GPR158: variants seen among roughly 807,000 people sequenced by gnomAD.
GPR158 encodes metabotropic glycine receptor.
GPR158 carries 30 observed loss-of-function variants against 78.2 expected under a neutral mutation model. That is an observed-to-expected ratio of 0.38 (90% CI 0.29 to 0.52). The LOEUF is 0.52. Ranked by LOEUF, GPR158 falls within the 20% of genes least tolerant of loss-of-function variation. GPR158 has a pLI of 0.83. For synonymous variants in GPR158, 581 were observed against 591.1 expected (o/e 0.98, Z 0.25); for missense variants, 1,463 against 1,523.5 (o/e 0.96, Z 0.66).
At chr10:25,435,964 TATTG>T (rs1834992175) in intron 4 of GPR158, among the ~76,000 whole-genome samples, 1 of 152,034 alleles carries the variant, frequency 6.6e-6, no homozygotes, top group Non-Finnish European at 1.5e-5. Flanking sequence ...TAGAAATCCA[TATTG>T]ATTCCTGAAG....
At chr10:25,213,337 T>C (rs1407080359) in intron 1 of GPR158, among the ~76,000 whole-genome samples, 1 of 152,236 alleles carries the variant, frequency 6.6e-6, no homozygotes, top group Non-Finnish European at 1.5e-5. Flanking sequence ...TAGTTTGCCA[T>C]TAAAAATAAT....
intron 1 of GPR158, among the ~76,000 whole-genome samples, chr10:25,215,449 A>G (rs1033269933): frequency 6.6e-6 from 1 of 152,236 alleles, no homozygotes; most frequent in Non-Finnish European, 1.5e-5. Context: ...GATTGGTTGC[A>G]CAATAATATG....
chr10:25,488,113 TAGTCCA>T (rs1434229670), intron 5 of GPR158, among the ~76,000 whole-genome samples: 1 of 152,164 alleles, frequency 6.6e-6, no homozygotes, highest in Non-Finnish European at 1.5e-5. Flanking sequence ...TGGAAGTGGA[TAGTCCA>T]AAGCTAATGG....
At chr10:25,593,905 A>G (rs1354433321) in intron 8 of GPR158, among the ~76,000 whole-genome samples, 1 of 152,068 alleles carries the variant, frequency 6.6e-6, no homozygotes, top group Non-Finnish European at 1.5e-5. Context: ...GATGCTTTGT[A>G]GGCAAATTAT....
chr10:25,258,468 T>C (rs546947809), intron 2 of GPR158, among the ~76,000 whole-genome samples: 1 of 152,308 alleles, frequency 6.6e-6, no homozygotes, highest in South Asian at 2.1e-4. Context: ...AACCTTTTCC[T>C]TTACAATTGT....
At chr10:25,313,774 T>G (rs1854804205) in intron 2 of GPR158, among the ~76,000 whole-genome samples, 1 of 152,186 alleles carries the variant, frequency 6.6e-6, no homozygotes, top group African/African-American at 2.4e-5. Flanking sequence ...TATTGATAAA[T>G]TATATTGATT....
At chr10:25,510,003 C>G (rs1212341106) in intron 5 of GPR158, among the ~76,000 whole-genome samples, 4 of 152,280 alleles carry the variant, frequency 2.6e-5, no homozygotes, top group African/African-American at 9.6e-5. Context: ...CATGAGCCAC[C>G]GTGCCCAGCC....
At chr10:25,504,909 G>T (rs1381288515) in intron 5 of GPR158, among the ~76,000 whole-genome samples, 1 of 152,176 alleles carries the variant, frequency 6.6e-6, no homozygotes, top group East Asian at 1.9e-4. Flanking sequence ...TTGCAGTTCA[G>T]TGCGGAGTTG....
At chr10:25,292,382 T>C (rs1487224432) in intron 2 of GPR158, among the ~76,000 whole-genome samples, 1 of 152,162 alleles carries the variant, frequency 6.6e-6, no homozygotes, top group Non-Finnish European at 1.5e-5. Context: ...CCTTTTCTCT[T>C]AAAAATAACC....
chr10:25,241,911 C>A (rs1047062713), intron 2 of GPR158, among the ~76,000 whole-genome samples: 2 of 152,184 alleles, frequency 1.3e-5, no homozygotes, highest in South Asian at 4.1e-4. Context: ...TTAGTTGAGA[C>A]ACTCCAATGG....
chr10:25,189,649 G>A (rs546258571), intron 1 of GPR158, among the ~76,000 whole-genome samples: 96 of 152,136 alleles, frequency 6.3e-4, no homozygotes, highest in Non-Finnish European at 1.2e-3. Context: ...GGTTGGGGGA[G>A]GAGGGAGGGA....
chr10:25,398,726 A>T (rs555884381), intron 3 of GPR158, among the ~76,000 whole-genome samples: 1 of 152,328 alleles, frequency 6.6e-6, no homozygotes, highest in South Asian at 2.1e-4. Flanking sequence ...CTCCCATGTT[A>T]TACCCATTGC....
At chr10:25,263,376 A>G (rs1298427003) in intron 2 of GPR158, among the ~76,000 whole-genome samples, 1 of 152,118 alleles carries the variant, frequency 6.6e-6, no homozygotes, top group African/African-American at 2.4e-5. Context: ...ACATTTATAT[A>G]TGTCTGTTCT....
At chr10:25,557,967 C>T (rs1836806955) in intron 6 of GPR158, among the ~76,000 whole-genome samples, 1 of 152,212 alleles carries the variant, frequency 6.6e-6, no homozygotes, top group Non-Finnish European at 1.5e-5. Context: ...GTCCTACTTG[C>T]TTTGTTGTAT....
chr10:25,402,139 G>A (rs1432751926), intron 3 of GPR158, among the ~76,000 whole-genome samples: 1 of 152,054 alleles, frequency 6.6e-6, no homozygotes, highest in Non-Finnish European at 1.5e-5. Context: ...GTTACACTGA[G>A]GACACAGCAT....
intron 2 of GPR158, among the ~76,000 whole-genome samples, chr10:25,322,322 A>G (rs2130479953): frequency 6.6e-6 from 1 of 152,046 alleles, no homozygotes; most frequent in South Asian, 2.1e-4. Context: ...CGGAGCTTGC[A>G]GTGAGCCGAG....
chr10:25,539,758 T>A (rs953180238), intron 5 of GPR158, among the ~76,000 whole-genome samples: 1 of 152,142 alleles, frequency 6.6e-6, no homozygotes, highest in Non-Finnish European at 1.5e-5. Flanking sequence ...TAATCACAAT[T>A]ATAGCCATTC....
intron 2 of GPR158, among the ~76,000 whole-genome samples, chr10:25,235,145 C>A (rs554855589): frequency 6.6e-6 from 1 of 152,228 alleles, no homozygotes; most frequent in African/African-American, 2.4e-5. Flanking sequence ...GAAATGAAAT[C>A]CTACATCTTT....
Position 25,471,668 on chromosome 10 carries a change from A to G in GPR158, c.1404+4949A>G, listed in dbSNP as rs571371125. 1.1e-4 allele frequency among the ~76,000 whole-genome samples: 17 copies of G among 152,154 alleles called. No homozygotes were observed. In the East Asian group the frequency reaches 3.3e-3, roughly 29 times the overall value. On this transcript the variant is annotated intron_variant, in intron 5 of 10. Transcript: ENST00000376351. ...TGATCACCATTCTAACTGGTGTGAG[A>G]TGGTATCTCATTGTGGTTTTGATTT...
Sources: gnomAD v4.1 joint callset for allele counts (sites outside exome capture counted in the v4.1 genomes callset) on GRCh38, gnomAD v4.1.1 for gene constraint, MANE v1.5 for transcripts, NCBI Gene and HGNC (gene_info 2026-07-23, HGNC 2026-07-21) for gene names.